The following SCNN1B variants were observed in gnomAD, a reference collection of about 807,000 sequenced individuals.
The protein encoded by SCNN1B is sodium channel epithelial 1 subunit beta.
Under a neutral mutation model 65.3 loss-of-function variants are expected in SCNN1B, and 46 were observed. That is an observed-to-expected ratio of 0.70 (90% CI 0.56 to 0.90). The LOEUF (loss-of-function observed/expected upper bound fraction) is 0.90, where lower values mean the gene tolerates loss of function less well. SCNN1B is among the 40% of genes least tolerant of loss of function. SCNN1B has a pLI of 0.00. For missense variants in SCNN1B, 751 were observed against 830.5 expected (o/e 0.90, Z 1.18); for synonymous variants, 349 against 330.6 (o/e 1.06, Z -0.60).
At position 23,361,914 on chromosome 16, in the gene SCNN1B, A is replaced by G. The variant is rs560124324; in HGVS notation, c.777-5942A>G. Reference sequence around the variant, plus strand: ...TATTTTGTAGAGATGGGGTCTCCCTATGTTGCCCAAGCTGGTCTCAAACTC... The same window carrying G: ...TATTTTGTAGAGATGGGGTCTCCCTGTGTTGCCCAAGCTGGTCTCAAACTC... On this transcript the variant is annotated intron_variant, in intron 4 of 12. Coordinates refer to ENST00000343070, the MANE Select transcript of SCNN1B (RefSeq NM_000336.3). Among the ~76,000 whole-genome samples, 6 of 152,058 alleles carry G rather than the reference A, an allele frequency of 3.9e-5. No homozygotes were observed. The South Asian group carries it at 8.3e-4, about 21-fold the overall frequency.
chr16:23,353,148 T>A, intron 3 of SCNN1B, 74 bp downstream of exon 3: 1 of 1,505,378 alleles, frequency 6.6e-7, no homozygotes, highest in Non-Finnish European at 9.2e-7. Context: ...TTTTCTGTAG[T>A]AATTTGAGTC....
chr16:23,312,156 G>T (rs1421614029), intron 1 of SCNN1B, among the ~76,000 whole-genome samples: 6 of 152,066 alleles, frequency 3.9e-5, no homozygotes, highest in African/African-American at 1.4e-4. Context: ...CATTTTTGTA[G>T]ACAGGGTCTC....
intron 1 of SCNN1B, chr16:23,303,955 A>C (rs188467528): frequency 8.4e-6 from 7 of 833,162 alleles, no homozygotes; most frequent in Non-Finnish European, 4.0e-6. Flanking sequence ...GGTACAACCC[A>C]CCTATGTCAT....
chr16:23,365,911 C>A (rs1962660059), intron 4 of SCNN1B, among the ~76,000 whole-genome samples: 2 of 152,206 alleles, frequency 1.3e-5, no homozygotes, highest in African/African-American at 4.8e-5. Context: ...TGTCCTGGAC[C>A]CAAGTCATTC....
intron 1 of SCNN1B, among the ~76,000 whole-genome samples, chr16:23,331,562 C>T (rs1296792405): frequency 9.9e-5 from 15 of 152,014 alleles, no homozygotes; most frequent in Admixed American, 9.8e-4. Context: ...TCAGGTGATC[C>T]ACCTGCCTTG....
intron 1 of SCNN1B, among the ~76,000 whole-genome samples, chr16:23,335,909 G>A (rs983468345): frequency 6.6e-5 from 10 of 152,060 alleles, no homozygotes; most frequent in East Asian, 1.9e-4. Context: ...TTTCCCTATC[G>A]TCTCCATTAG....
chr16:23,293,067 A>T (rs1960948486), intron 2 of SCNN1B, among the ~76,000 whole-genome samples: 1 of 139,902 alleles, frequency 7.1e-6, no homozygotes, highest in African/African-American at 2.7e-5. Context: ...GCGAGCCGAG[A>T]CTGCGCCACT....
chr16:23,365,426 AAAGG>A (rs1275219817), intron 4 of SCNN1B, among the ~76,000 whole-genome samples: 2 of 150,188 alleles, frequency 1.3e-5, no homozygotes, highest in Admixed American at 6.6e-5. Flanking sequence ...AAAGAGAAAG[AAAGG>A]AAGGAAGAAA....
intron 7 of SCNN1B, 39 bp downstream of exon 7, chr16:23,371,922 G>A: frequency 6.9e-7 from 1 of 1,459,130 alleles, no homozygotes; most frequent in Non-Finnish European, 9.6e-7. Flanking sequence ...CGGGGCCCCT[G>A]TCCGGGTTTA....
At chr16:23,379,985 TG>T (rs1195345505) in intron 11 of SCNN1B, 108 bp from the exon 12 acceptor site, 3 of 846,366 alleles carry the variant, frequency 3.5e-6, no homozygotes, top group Non-Finnish European at 2.1e-6. Context: ...TGCATACATG[TG>T]GGTGTGTGCA....
At chr16:23,330,115 A>G (rs1206075770) in intron 1 of SCNN1B, among the ~76,000 whole-genome samples, 1 of 152,202 alleles carries the variant, frequency 6.6e-6, no homozygotes, top group Non-Finnish European at 1.5e-5. Flanking sequence ...GGCTCCAGGC[A>G]GAAGCCCATG....
chr16:23,343,581 GAGAA>G (rs200738425), intron 1 of SCNN1B, among the ~76,000 whole-genome samples: 7,508 of 70,094 alleles, frequency 0.11, 483 homozygotes, highest in Admixed American at 0.13. Context: ...GAAAGAAAAA[GAGAA>G]AGAAAGAAAG....
chr16:23,349,812 A>T (rs1962271571), intron 2 of SCNN1B, among the ~76,000 whole-genome samples: 1 of 151,886 alleles, frequency 6.6e-6, no homozygotes, highest in Non-Finnish European at 1.5e-5. Context: ...AAATAAAACA[A>T]CTCAGCCGGG....
chr16:23,317,773 C>G (rs1230349729), intron 1 of SCNN1B, among the ~76,000 whole-genome samples: 1 of 152,198 alleles, frequency 6.6e-6, no homozygotes, highest in Non-Finnish European at 1.5e-5. Flanking sequence ...CAATGCTGTG[C>G]CAGGGAATCC....
chr16:23,375,832 A>G lies in SCNN1B; in HGVS notation c.1247A>G (p.Asn416Ser), dbSNP rs1270942151. 6.2e-7 allele frequency: 1 copy of G among 1,612,998 alleles called. No individual in the cohort carries two copies. Among genetic ancestry groups the G allele is most frequent in the African/African-American group, 1.3e-5 (1 of 74,912 alleles). The change falls in exon 8 of 13, where the codon AAC (asparagine) becomes AGC (serine). Residue 416 changes from asparagine to serine, a missense_variant. Transcript: ENST00000343070. Reference protein sequence around the residue: ...YPLPRGEKYCNNRDFPDWAHC... With the variant: ...YPLPRGEKYCSNRDFPDWAHC... The stretch of plus-strand genomic sequence containing the variant: ...CTGCCCCGTGGGGAGAAATACTGCA[A>G]CAACCGGGACTTCCCAGACTGGGGT...
chr16:23,353,189 A>C, intron 3 of SCNN1B, 115 bp downstream of exon 3: 1 of 1,276,050 alleles, frequency 7.8e-7, no homozygotes, highest in Non-Finnish European at 1.1e-6. Context: ...TGGAAGCCAG[A>C]GCCTGTTTTG....
intron 4 of SCNN1B, among the ~76,000 whole-genome samples, chr16:23,356,931 T>C (rs1231723324): frequency 1.3e-5 from 2 of 152,122 alleles, no homozygotes; most frequent in African/African-American, 4.8e-5. Flanking sequence ...CAGAAGCACG[T>C]GGGAAGGAGG....
chr16:23,372,647 C>T (rs1962809180), intron 7 of SCNN1B, among the ~76,000 whole-genome samples: 1 of 151,826 alleles, frequency 6.6e-6, no homozygotes, highest in Admixed American at 6.6e-5. Context: ...GTGCCCACCG[C>T]TACACCGGCT....
intron 8 of SCNN1B, 38 bp from the exon 9 acceptor site, chr16:23,377,127 C>T (rs1447271767): frequency 1.3e-6 from 2 of 1,597,586 alleles, no homozygotes; most frequent in Non-Finnish European, 1.7e-6. Flanking sequence ...TAAAAAGCCC[C>T]CTTAAACCTC....
Sources: allele counts gnomAD v4.1 joint callset (sites outside exome capture counted in the v4.1 genomes callset), GRCh38; gene constraint gnomAD v4.1.1; transcripts MANE v1.5; gene names NCBI Gene and HGNC (gene_info 2026-07-23, HGNC 2026-07-21).